The following WWOX variants were observed in gnomAD, a reference collection of about 807,000 sequenced individuals.
The protein encoded by WWOX is WW domain-containing oxidoreductase.
Under a neutral mutation model 46.2 loss-of-function variants are expected in WWOX, and 69 were observed. The observed-to-expected ratio is 1.49, with a 90% CI of 1.23 to 1.82. The LOEUF is 1.82. Ranked by LOEUF, WWOX falls within the 40% of genes most tolerant of loss-of-function variation. The probability of loss-of-function intolerance (pLI) is 0.00; values close to 1 mark genes in which losing one functional copy is unlikely to be tolerated. For missense variants in WWOX, 919 were observed against 542.6 expected (o/e 1.69, Z -6.89); for synonymous variants, 359 against 202.6 (o/e 1.77, Z -6.56).
intron 8 of WWOX, among the ~76,000 whole-genome samples, chr16:78,980,880 G>T (rs2151333336): frequency 6.6e-6 from 1 of 152,332 alleles, no homozygotes; most frequent in East Asian, 1.9e-4. Flanking sequence ...ACTGGACTCA[G>T]TGGGTAAATG....
chr16:78,878,277 A>C (rs940386806), intron 8 of WWOX, among the ~76,000 whole-genome samples: 1 of 152,176 alleles, frequency 6.6e-6, no homozygotes, highest in African/African-American at 2.4e-5. Flanking sequence ...ACAATAAATA[A>C]AAATACCATG....
chr16:78,963,936 G>C (rs569125100), intron 8 of WWOX, among the ~76,000 whole-genome samples: 73 of 152,258 alleles, frequency 4.8e-4, no homozygotes, highest in Admixed American at 4.7e-3. Flanking sequence ...AGTTTCATAA[G>C]ATCCAATGAA....
intron 8 of WWOX, among the ~76,000 whole-genome samples, chr16:78,971,463 AAAAAAAAAAAAG>A (rs1369397955): frequency 6.7e-6 from 1 of 150,288 alleles, no homozygotes; most frequent in African/African-American, 2.5e-5. Context: ...AAAAAAAAAA[AAAAAAAAAAAAG>A]AGAGAGATAG....
intron 8 of WWOX, among the ~76,000 whole-genome samples, chr16:78,759,692 A>T (rs1018998445): frequency 6.6e-6 from 1 of 152,216 alleles, no homozygotes; most frequent in Non-Finnish European, 1.5e-5. Context: ...ATGAGACTGT[A>T]TGCTCCCTGT....
At chr16:79,182,486 A>C (rs1231217897) in intron 8 of WWOX, among the ~76,000 whole-genome samples, 1 of 151,990 alleles carries the variant, frequency 6.6e-6, no homozygotes, top group Non-Finnish European at 1.5e-5. Flanking sequence ...CTGAGAATGC[A>C]GTGATTCTTC....
chr16:78,262,085 A>G (rs1345320938), intron 5 of WWOX, among the ~76,000 whole-genome samples: 1 of 140,098 alleles, frequency 7.1e-6, no homozygotes, highest in Non-Finnish European at 1.5e-5. Flanking sequence ...AAAAGAGTGA[A>G]TGAAACTCTG....
At chr16:78,472,250 T>A (rs2151436035) in intron 8 of WWOX, among the ~76,000 whole-genome samples, 1 of 152,278 alleles carries the variant, frequency 6.6e-6, no homozygotes, top group African/African-American at 2.4e-5. Context: ...GCTGTCTTAA[T>A]GATGGAATGA....
At chr16:78,568,080 C>T (rs1259803521) in intron 8 of WWOX, among the ~76,000 whole-genome samples, 2 of 152,160 alleles carry the variant, frequency 1.3e-5, no homozygotes, top group African/African-American at 2.4e-5. Context: ...ACTCTTAGGG[C>T]AGAAGAACGC....
intron 4 of WWOX, among the ~76,000 whole-genome samples, chr16:78,137,329 C>G (rs1412106067): frequency 5.9e-5 from 9 of 152,314 alleles, no homozygotes; most frequent in South Asian, 2.1e-4. Context: ...TGCTTTCCAG[C>G]TTGCCAATTC....
At chr16:78,655,225 C>T (rs777448147) in intron 8 of WWOX, among the ~76,000 whole-genome samples, 39 of 152,222 alleles carry the variant, frequency 2.6e-4, no homozygotes, top group Non-Finnish European at 4.3e-4. Context: ...GTCTGCTCTC[C>T]GTCTCTGCCT....
intron 8 of WWOX, among the ~76,000 whole-genome samples, chr16:79,119,419 C>T (rs1289614260): frequency 2.0e-5 from 3 of 152,152 alleles, no homozygotes; most frequent in African/African-American, 7.2e-5. Flanking sequence ...TGCAATAATA[C>T]CTACTAGAGA....
intron 8 of WWOX, among the ~76,000 whole-genome samples, chr16:79,053,142 A>T (rs952343684): frequency 6.6e-6 from 1 of 152,190 alleles, no homozygotes; most frequent in Non-Finnish European, 1.5e-5. Context: ...ACATGAACTC[A>T]ACGCTTTTAG....
chr16:78,183,378 G>T lies in WWOX; in HGVS notation c.516+19089G>T, dbSNP rs189201323. 2.6e-5 allele frequency among the ~76,000 whole-genome samples: 4 copies of T among 152,284 alleles called. No individual in the cohort carries two copies. In the East Asian group the frequency reaches 7.7e-4, roughly 29 times the overall value. ...TTCTCATCACTTTTGGGTGGCATAGGACCAGTTGGTTATGAGCGTGAAAGG... is the reference window on the plus strand; with the variant it reads ...TTCTCATCACTTTTGGGTGGCATAGTACCAGTTGGTTATGAGCGTGAAAGG... On this transcript the variant is annotated intron_variant, in intron 5 of 8. Coordinates refer to ENST00000566780, the MANE Select transcript of WWOX (RefSeq NM_016373.4).
At chr16:78,107,565 C>G (rs182320826) in intron 1 of WWOX, among the ~76,000 whole-genome samples, 1 of 152,116 alleles carries the variant, frequency 6.6e-6, no homozygotes, top group Non-Finnish European at 1.5e-5. Flanking sequence ...AGGTGCACAG[C>G]GCACAGCTAG....
intron 8 of WWOX, among the ~76,000 whole-genome samples, chr16:79,150,775 G>C (rs1477305764): frequency 2.0e-5 from 3 of 152,132 alleles, no homozygotes; most frequent in African/African-American, 7.2e-5. Context: ...CTGGGTAGCC[G>C]GGACTACAGG....
chr16:78,261,788 C>CTATCTAGATATAGATATATATATA (rs1555510660), intron 5 of WWOX, among the ~76,000 whole-genome samples: 2 of 73,746 alleles, frequency 2.7e-5, no homozygotes, highest in African/African-American at 1.1e-4. Context: ...ATCTATCTAT[C>CTATCTAGATATAGATATATATATA]TATATATATA....
At chr16:79,156,869 A>C (rs961509058) in intron 8 of WWOX, among the ~76,000 whole-genome samples, 4 of 148,200 alleles carry the variant, frequency 2.7e-5, no homozygotes, top group Non-Finnish European at 4.5e-5. Context: ...TGAAGGAAAG[A>C]AAAAACAAAA....
chr16:78,110,409 A>C (rs1320072634), intron 3 of WWOX, among the ~76,000 whole-genome samples: 1 of 151,302 alleles, frequency 6.6e-6, no homozygotes, highest in Non-Finnish European at 1.5e-5. Context: ...TTTTCCATGT[A>C]ATATATTATG....
chr16:78,548,553 A>T (rs538133441), intron 8 of WWOX, among the ~76,000 whole-genome samples: 1 of 152,338 alleles, frequency 6.6e-6, no homozygotes, highest in African/African-American at 2.4e-5. Flanking sequence ...TGGATGAATC[A>T]TATTTTTAAC....
Sources: gnomAD v4.1 joint callset for allele counts (sites outside exome capture counted in the v4.1 genomes callset) on GRCh38, gnomAD v4.1.1 for gene constraint, MANE v1.5 for transcripts, NCBI Gene and HGNC (gene_info 2026-07-23, HGNC 2026-07-21) for gene names.